PADI2: variants seen among roughly 807,000 people sequenced by gnomAD.
PADI2 encodes the protein protein-arginine deiminase type-2.
In PADI2, 70 loss-of-function variants were observed where a neutral mutation model predicts 81.1. The ratio of observed to expected loss-of-function variants is 0.86; its 90% CI spans 0.71 to 1.05. PADI2 has a LOEUF of 1.05. PADI2 is among the 50% of genes least tolerant of loss of function. The probability of loss-of-function intolerance (pLI) is 0.00; values close to 1 mark genes in which losing one functional copy is unlikely to be tolerated. For missense variants in PADI2, 853 were observed against 889.9 expected, an observed-to-expected ratio of 0.96 and a Z score of 0.53; for synonymous variants, 338 against 358.0, an observed-to-expected ratio of 0.94 and a Z score of 0.63.
At position 17,086,623 on chromosome 1, in the gene PADI2, G is replaced by A. The variant is rs749788695; in HGVS notation, c.732C>T (p.Gly244=). The A allele has an allele frequency of 1.4e-5, 22 of 1,613,892 alleles. No homozygotes were observed. The highest frequency in any genetic ancestry group is 1.7e-5 in the Non-Finnish European group (20 of 1,179,934). The change falls in exon 7 of 16, where the codon GGC becomes GGT. Residue 244 remains glycine, a synonymous_variant. Transcript: ENST00000375486. ...CCACGAAGAACAGCAGCTCCGCGGA[G>A]CCACCCGTGTACTTGACCACATGGT... ...KLYHVVKYTG[G]SAELLFFVEG...
At chr1:17,078,051 A>G (rs1466351435) in intron 11 of PADI2, among the ~76,000 whole-genome samples, 3 of 152,122 alleles carry the variant, frequency 2.0e-5, no homozygotes, top group African/African-American at 7.2e-5. Context: ...CATACCTGTC[A>G]GTTTTCCTTC....
intron 4 of PADI2, among the ~76,000 whole-genome samples, chr1:17,094,888 A>G (rs1388699583): frequency 6.6e-6 from 1 of 152,176 alleles, no homozygotes; most frequent in African/African-American, 2.4e-5. Context: ...CCATAGACTC[A>G]GAGAATGAGT....
At position 17,112,214 on chromosome 1, in the gene PADI2, C is replaced by A. The variant is rs959809417; in HGVS notation, c.92+7066G>T. Among the ~76,000 whole-genome samples the A allele has an allele frequency of 6.7e-4, 102 of 152,118 alleles. 1 individual carries two copies. The highest frequency in any genetic ancestry group is 2.4e-3 in the African/African-American group (100 of 41,472). On this transcript the variant is annotated intron_variant, in intron 1 of 15. Coordinates refer to ENST00000375486, the MANE Select transcript of PADI2 (RefSeq NM_007365.3). ...CTGTGGAAATGGAGAGAAATGGCCA[C>A]TAGGTTGGTGTCAAACAAACGACAC...
intron 3 of PADI2, among the ~76,000 whole-genome samples, chr1:17,098,503 T>C (rs535310756): frequency 3.9e-5 from 6 of 152,360 alleles, no homozygotes; most frequent in Admixed American, 2.0e-4. Flanking sequence ...AGTAACACAC[T>C]GTTTCTAAAG....
At chr1:17,081,575 G>A (rs1403679262) in intron 10 of PADI2, among the ~76,000 whole-genome samples, 1 of 152,338 alleles carries the variant, frequency 6.6e-6, no homozygotes, top group Admixed American at 6.5e-5. Context: ...CCTGGCGTCT[G>A]ACAGGAATGC....
intron 9 of PADI2, chr1:17,083,437 T>G: frequency 2.5e-6 from 1 of 397,048 alleles, no homozygotes; most frequent in South Asian, 3.7e-5. Flanking sequence ...GTATCCATAT[T>G]GAGAGACTGG....
At chr1:17,085,222 A>G (rs2078376387) in intron 7 of PADI2, among the ~76,000 whole-genome samples, 1 of 152,108 alleles carries the variant, frequency 6.6e-6, no homozygotes, top group South Asian at 2.1e-4. Flanking sequence ...GTTTTGTTTT[A>G]AGGAATGGTC....
rs751484747 is a variant in PADI2 at position 17,102,958 on chromosome 1, G to A, written c.349+29C>T. ...CAGTGCCAGGCCCTGGGTGATGAAG[G>A]CACTGAGACGGCAACCATGCCAACT... On this transcript the variant is annotated intron_variant, in intron 3 of 15. Coordinates refer to ENST00000375486, the MANE Select transcript of PADI2 (RefSeq NM_007365.3). The A allele has an allele frequency of 1.9e-5, 30 of 1,556,300 alleles. No homozygotes were observed. In the South Asian group the frequency reaches 2.6e-4, roughly 13 times the overall value.
chr1:17,088,906 C>CAAAA (rs753463253), intron 6 of PADI2, among the ~76,000 whole-genome samples: 10 of 38,818 alleles, frequency 2.6e-4, no homozygotes, highest in South Asian at 1.2e-3. Context: ...GACTCCATCT[C>CAAAA]AAAAAAAAAA....
Position 17,069,171 on chromosome 1 carries a change from G to A in PADI2, c.1871C>T (p.Pro624Leu), listed in dbSNP as rs1439890556. Residue 624 changes from proline (P) to leucine (L), a missense_variant, in exon 16 of 16, where the codon CCC becomes CTC. By Grantham distance (98) the Pro-to-Leu change is moderately conservative (BLOSUM62 -3). Transcript: ENST00000375486. Reference protein sequence around the residue: ...LEMHVRGLLEPLGLECTFIDD... With the variant: ...LEMHVRGLLELLGLECTFIDD... ...GATGAAGGTGCATTCGAGGCCCAGG[G>A]GCTCCAGGAGGCCACGCACGTGCAT... 3 of 1,614,082 alleles carry A rather than the reference G, an allele frequency of 1.9e-6. No homozygotes were observed. The highest frequency in any genetic ancestry group is 2.5e-6 in the Non-Finnish European group (3 of 1,180,024).
intron 4 of PADI2, among the ~76,000 whole-genome samples, chr1:17,094,659 C>G (rs1930842504): frequency 6.6e-6 from 1 of 152,190 alleles, no homozygotes; most frequent in Admixed American, 6.5e-5. Context: ...CTGACCCGCT[C>G]CTGGAACATA....
intron 3 of PADI2, among the ~76,000 whole-genome samples, chr1:17,099,303 C>G (rs1019548413): frequency 6.6e-6 from 1 of 152,144 alleles, no homozygotes; most frequent in Non-Finnish European, 1.5e-5. Flanking sequence ...GATCAAGCCC[C>G]TTAGGTTGAT....
Position 17,074,920 on chromosome 1 carries a change from C to T in PADI2, c.1485G>A (p.Ser495=), listed in dbSNP as rs779905920. The change falls in exon 13 of 16, where the codon TCG becomes TCA. Residue 495 remains serine (S), a synonymous_variant. Transcript: ENST00000375486. ...KKFLLLMAST[S]ACYKLFREKQ... ...TCTCTCGGAAGAGCTTGTAGCAGGC[C>T]GAGGTGCTGGCCATGAGTAGCAGGA... The T allele has an allele frequency of 1.6e-5, 26 of 1,613,038 alleles. No homozygotes were observed. Among genetic ancestry groups the T allele is most frequent in the Non-Finnish European group, 2.0e-5 (24 of 1,179,570 alleles).
intron 4 of PADI2, among the ~76,000 whole-genome samples, chr1:17,094,022 C>T (rs1025709079): frequency 6.6e-6 from 1 of 152,046 alleles, no homozygotes; most frequent in Non-Finnish European, 1.5e-5. Context: ...TCCCTAGGTC[C>T]CTAGGGGAGC....
intron 6 of PADI2, among the ~76,000 whole-genome samples, chr1:17,090,306 C>T (rs2235921): frequency 0.039 from 5,938 of 152,322 alleles, 391 homozygotes; most frequent in African/African-American, 0.13. Flanking sequence ...ACTCTTACTA[C>T]TCCCATGCCA....
chr1:17,085,301 C>T (rs2078376797), intron 7 of PADI2, among the ~76,000 whole-genome samples: 1 of 152,152 alleles, frequency 6.6e-6, no homozygotes, highest in Admixed American at 6.5e-5. Context: ...GGCTGGCTTT[C>T]AAAAGATATA....
intron 15 of PADI2, among the ~76,000 whole-genome samples, chr1:17,069,593 A>G (rs2101567691): frequency 1.3e-5 from 2 of 152,240 alleles, no homozygotes; most frequent in African/African-American, 2.4e-5. Flanking sequence ...GTATGTATGC[A>G]TTTATGTGTG....
Position 17,119,196 on chromosome 1 carries a change from G to T in PADI2, c.92+84C>A. ...GAGGGACAACTCGGGCTGGACAAAG[G>T]CTGTCCACGTCCCCGAGTCTGAGCG... is the stretch of plus-strand genomic sequence containing the variant. On this transcript the variant is annotated intron_variant, in intron 1 of 15. Transcript: ENST00000375486. This position sits in a 1 kb window ranked among gnomAD's most constrained non-coding sequence, Gnocchi z 4.8. 1.0e-6 allele frequency: 1 copy of T among 974,078 alleles called. No homozygotes were observed. 60.3% of individuals were successfully genotyped at this position (974,078 alleles called of 1,614,324 possible). A position where few individuals can be genotyped will look rare whatever the true frequency, so the allele number is the denominator to read the frequency against.
At chr1:17,074,995 C>T in intron 12 of PADI2, 46 bp from the exon 13 acceptor site, 2 of 1,311,632 alleles carry the variant, frequency 1.5e-6, no homozygotes, top group Non-Finnish European at 2.2e-6. Context: ...TGGGAAGGCA[C>T]CCAAGGAGCA....
Sources: gnomAD v4.1 joint callset for allele counts (sites outside exome capture counted in the v4.1 genomes callset) on GRCh38, gnomAD v4.1.1 for gene constraint, Gnocchi (gnomAD v3.1) non-coding constraint, MANE v1.5 for transcripts, NCBI Gene and HGNC (gene_info 2026-07-23, HGNC 2026-07-21) for gene names.